Variants in UGT2B10 observed in about 807,000 individuals in gnomAD.
UGT2B10 encodes the protein UDP glucuronosyltransferase family 2 member B10, also known as UDP-glucuronosyltransferase 2B10.
In UGT2B10, 51 loss-of-function variants were observed where a neutral mutation model predicts 43.7. That is an observed-to-expected ratio of 1.17 (90% confidence interval 0.93 to 1.47). The LOEUF is 1.47. Ranked by LOEUF, UGT2B10 falls within the 40% of genes most tolerant of loss-of-function variation. UGT2B10 has a pLI of 0.00. For synonymous variants in UGT2B10, 225 were observed against 209.0 expected, an observed-to-expected ratio of 1.08 and a Z score of -0.66; for missense variants, 696 against 617.7, an observed-to-expected ratio of 1.13 and a Z score of -1.34.
At chr4:68,822,649 T>C (rs188065539) in intron 3 of UGT2B10, among the ~76,000 whole-genome samples, 1 of 152,222 alleles carries the variant, frequency 6.6e-6, no homozygotes, top group African/African-American at 2.4e-5. Flanking sequence ...CAGTGGGAAC[T>C]CAGTACTCCA....
intron 5 of UGT2B10, 21 bp downstream of exon 5, chr4:68,827,569 C>T (rs368987888): frequency 1.6e-5 from 25 of 1,612,518 alleles, no homozygotes; most frequent in Non-Finnish European, 2.0e-5. Flanking sequence ...CAATATTTTT[C>T]ACTAGATGGT....
intron 2 of UGT2B10, 49 bp from the exon 3 acceptor site, chr4:68,822,222 G>A: frequency 6.2e-7 from 1 of 1,600,934 alleles, no homozygotes; most frequent in Non-Finnish European, 8.5e-7. Context: ...GGTAGTGCCT[G>A]CTGTGGTGAT....
rs1167081520 is a variant in UGT2B10, at chr4:68,831,766, A to G, written c.*887A>G. Among the ~76,000 whole-genome samples, 1 of 152,026 alleles carries G rather than the reference A, an allele frequency of 6.6e-6. No individual in the cohort carries two copies. The highest frequency in any genetic ancestry group is 1.5e-5 in the Non-Finnish European group (1 of 67,984). On this transcript the variant is annotated 3_prime_UTR_variant, in exon 6 of 6. Coordinates refer to ENST00000265403, the MANE Select transcript of UGT2B10 (RefSeq NM_001075.6). The stretch of plus-strand genomic sequence containing the variant: ...GCTTTGTTAAAGTGTTTATGCCCTG[A>G]TTCAATGTGATTATCTCAATTTTTA...
At position 68,826,419 on chromosome 4, in the gene UGT2B10, A is replaced by C; in HGVS notation, c.1009A>C (p.Arg337=). The change falls in exon 4 of 6, where the codon AGA becomes CGA. Residue 337 remains arginine (R), a synonymous_variant. Coordinates refer to ENST00000265403, the MANE Select transcript of UGT2B10 (RefSeq NM_001075.6). The part of the protein sequence containing the change: ...LAKIPQKVLW[R]FDGNKPDALG... ...CTCTTTACTGTAACAGGTTCTTTGG[A>C]GATTTGATGGGAATAAACCAGATGC... 1.9e-6 allele frequency: 3 copies of C among 1,610,406 alleles called. No homozygotes were observed. Among genetic ancestry groups the C allele is most frequent in the Non-Finnish European group, 2.5e-6 (3 of 1,178,898 alleles).
At position 68,816,120 on chromosome 4, in the gene UGT2B10, T is replaced by C. The variant is rs781382469; in HGVS notation, c.101T>C (p.Leu34Pro). 6 of 1,613,256 alleles carry C rather than the reference T, an allele frequency of 3.7e-6. No homozygotes were observed. The highest frequency in any genetic ancestry group is 2.2e-5 in the South Asian group (2 of 91,058). The change falls in exon 1 of 6, where the codon CTT becomes CCT. Residue 34 changes from leucine (L) to proline (P), a missense_variant. Coordinates refer to ENST00000265403, the MANE Select transcript of UGT2B10 (RefSeq NM_001075.6). Reference sequence around the variant, plus strand: ...CTGGTATGGGCCGCAGAATACAGCCTTTGGATGAATATGAAGACAATCCTG... The same window carrying C: ...CTGGTATGGGCCGCAGAATACAGCCCTTGGATGAATATGAAGACAATCCTG... ...KVLVWAAEYS[L>P]WMNMKTILKE... is the part of the protein sequence containing the mutation.
In UGT2B10 at chr4:68,816,143, C is replaced by T. The variant is rs773658951; in HGVS notation, c.124C>T (p.Leu42=). Reference sequence around the variant, plus strand: ...CCTTTGGATGAATATGAAGACAATCCTGAAAGAACTTGTTCAGAGAGGTCA... The same window carrying T: ...CCTTTGGATGAATATGAAGACAATCTTGAAAGAACTTGTTCAGAGAGGTCA... ...YSLWMNMKTI[L]KELVQRGHEV... is the part of the protein sequence containing the mutation. Residue 42 remains leucine (L), a synonymous_variant, in exon 1 of 6, where the codon CTG becomes TTG. Transcript: ENST00000265403. 2.1e-5 allele frequency: 34 copies of T among 1,613,272 alleles called. No homozygotes were observed. The South Asian group carries it at 3.5e-4, about 17-fold the overall frequency.
At chr4:68,816,793 C>T in intron 1 of UGT2B10, 56 bp downstream of exon 1, 1 of 1,386,568 alleles carries the variant, frequency 7.2e-7, no homozygotes, top group Non-Finnish European at 9.8e-7. Context: ...GTCTTTGAAG[C>T]ACAACTTGCA....
intron 5 of UGT2B10, among the ~76,000 whole-genome samples, chr4:68,829,613 G>C (rs1156669516): frequency 6.6e-6 from 1 of 152,002 alleles, no homozygotes. Flanking sequence ...GCCAGTAAAA[G>C]CCTCTCTTAG....
At chr4:68,820,111 G>A (rs1737419984) in intron 2 of UGT2B10, among the ~76,000 whole-genome samples, 1 of 151,980 alleles carries the variant, frequency 6.6e-6, no homozygotes, top group Non-Finnish European at 1.5e-5. Context: ...AACTGACAGT[G>A]CCAGTAGAAG....
In UGT2B10 at chr4:68,830,924, C is replaced by A. The variant is rs961859315; in HGVS notation, c.*45C>A. The A allele has an allele frequency of 1.3e-6, 2 of 1,570,078 alleles. No homozygotes were observed. Among genetic ancestry groups the A allele is most frequent in the Non-Finnish European group, 1.7e-6 (2 of 1,158,708 alleles). ...CTGGAAAACCTGATAGATAGGAATACTTCAGTTGATTCCAGCAATAAATAT... is the reference window on the plus strand; with the variant it reads ...CTGGAAAACCTGATAGATAGGAATAATTCAGTTGATTCCAGCAATAAATAT... On this transcript the variant is annotated 3_prime_UTR_variant, in exon 6 of 6. Coordinates refer to ENST00000265403, the MANE Select transcript of UGT2B10 (RefSeq NM_001075.6).
rs1192560579 is a variant in UGT2B10, at chr4:68,826,407, C to A, written c.1000-3C>A. ...GAATAAGATATTCTCTTTACTGTAA[C>A]AGGTTCTTTGGAGATTTGATGGGAA... On this transcript the variant is annotated splice_region_variant and splice_polypyrimidine_tract_variant and intron_variant, in intron 3 of 5. Transcript: ENST00000265403. The A allele has an allele frequency of 1.9e-6, 3 of 1,609,434 alleles. No homozygotes were observed. The highest frequency in any genetic ancestry group is 1.7e-6 in the Non-Finnish European group (2 of 1,178,636).
chr4:68,822,618 A>C (rs980831648), intron 3 of UGT2B10, among the ~76,000 whole-genome samples: 2 of 152,142 alleles, frequency 1.3e-5, no homozygotes, highest in Non-Finnish European at 2.9e-5. Context: ...CTTGGTATGC[A>C]TGAGTGATTC....
Position 68,830,999 on chromosome 4 carries a change from G to T in UGT2B10, c.*120G>T. On this transcript the variant is annotated 3_prime_UTR_variant, in exon 6 of 6. Coordinates refer to ENST00000265403, the MANE Select transcript of UGT2B10 (RefSeq NM_001075.6). ...TGTGACAAAAAAAAATCCTTTCGAA[G>T]TCTACCTTGTCAAGTAAAAATTTGT... 7.3e-7 allele frequency: 1 copy of T among 1,362,708 alleles called. No individual in the cohort carries two copies. The allele number at this position is 1,362,708 out of a possible 1,614,324, so 84.4% of individuals were successfully genotyped here.
intron 5 of UGT2B10, among the ~76,000 whole-genome samples, chr4:68,830,281 T>C (rs1420109813): frequency 1.3e-5 from 2 of 151,672 alleles, no homozygotes; most frequent in African/African-American, 4.8e-5. Context: ...CATAAACATA[T>C]GCACTTAATA....
rs114135681 is a variant in UGT2B10 at position 68,819,396 on chromosome 4, A to G, written c.867+1219A>G. Reference sequence around the variant, plus strand: ...ACATATCAGTTGTGACAGCAAGATAAGCTAGTTGAAATTTTAAAATTCTTC... The same window carrying G: ...ACATATCAGTTGTGACAGCAAGATAGGCTAGTTGAAATTTTAAAATTCTTC... On this transcript the variant is annotated intron_variant, in intron 2 of 5. Transcript: ENST00000265403. Among the ~76,000 whole-genome samples, 664 of 152,074 alleles carry G rather than the reference A, an allele frequency of 4.4e-3. 6 individuals are homozygous for G. The highest frequency in any genetic ancestry group is 0.015 in the African/African-American group (633 of 41,556).
At chr4:68,825,166 T>C (rs1353860792) in intron 3 of UGT2B10, among the ~76,000 whole-genome samples, 1 of 152,020 alleles carries the variant, frequency 6.6e-6, no homozygotes, top group Non-Finnish European at 1.5e-5. Context: ...AAGAAACGAA[T>C]ACATTACAAT....
intron 5 of UGT2B10, among the ~76,000 whole-genome samples, chr4:68,829,666 G>T (rs964687331): frequency 6.6e-6 from 1 of 152,038 alleles, no homozygotes; most frequent in African/African-American, 2.4e-5. Flanking sequence ...AGAGAAGCAT[G>T]CCTTGGGTAT....
At chr4:68,818,425 T>A (rs1258554441) in intron 2 of UGT2B10, among the ~76,000 whole-genome samples, 1 of 151,822 alleles carries the variant, frequency 6.6e-6, no homozygotes, top group Non-Finnish European at 1.5e-5. Context: ...AAAGTCTTGA[T>A]TATGCAACAC....
At chr4:68,820,140 A>C (rs919408441) in intron 2 of UGT2B10, among the ~76,000 whole-genome samples, 11 of 152,032 alleles carry the variant, frequency 7.2e-5, no homozygotes, top group Admixed American at 5.9e-4. Flanking sequence ...GAGTAGGACA[A>C]TGTAGAAGGA....
Sources: allele counts gnomAD v4.1 joint callset (sites outside exome capture counted in the v4.1 genomes callset), GRCh38; gene constraint gnomAD v4.1.1; transcripts MANE v1.5; gene names NCBI Gene and HGNC (gene_info 2026-07-23, HGNC 2026-07-21).